The following MEMO1 variants were observed in gnomAD, a reference collection of about 807,000 sequenced individuals.
MEMO1 encodes protein MEMO1.
Under a neutral mutation model 45.2 loss-of-function variants are expected in MEMO1, and 6 were observed. The ratio of observed to expected loss-of-function variants is 0.13; its 90% CI spans 0.07 to 0.26. The LOEUF (loss-of-function observed/expected upper bound fraction) is 0.26, where lower values mean the gene tolerates loss of function less well. MEMO1 is among the 10% of genes least tolerant of loss of function. The probability of loss-of-function intolerance (pLI) is 1.00; values close to 1 mark genes in which losing one functional copy is unlikely to be tolerated. For missense variants in MEMO1, 184 were observed against 370.5 expected (o/e 0.50, Z 4.13); for synonymous variants, 78 against 124.3 (o/e 0.63, Z 2.48).
At chr2:31,907,904 T>G (rs1325178485) in intron 6 of MEMO1, among the ~76,000 whole-genome samples, 2 of 152,210 alleles carry the variant, frequency 1.3e-5, no homozygotes, top group Admixed American at 6.5e-5. Context: ...TTAACTTATT[T>G]ATTTACTCCC....
At chr2:31,868,911 T>C (rs1166570293) in intron 9 of MEMO1, among the ~76,000 whole-genome samples, 1 of 152,216 alleles carries the variant, frequency 6.6e-6, no homozygotes, top group Non-Finnish European at 1.5e-5. Flanking sequence ...AGGTATATGC[T>C]AGGATTTTTA....
intron 2 of MEMO1, among the ~76,000 whole-genome samples, chr2:31,947,228 A>T (rs981308070): frequency 6.6e-6 from 1 of 152,190 alleles, no homozygotes; most frequent in African/African-American, 2.4e-5. Context: ...ACTGCCAACA[A>T]CCTCACTGTT....
chr2:32,008,189 G>A (rs1674340922), intron 2 of MEMO1, among the ~76,000 whole-genome samples: 1 of 152,218 alleles, frequency 6.6e-6, no homozygotes, highest in Non-Finnish European at 1.5e-5. Context: ...CCAAGTGTAA[G>A]CTATGTCATA....
At chr2:31,950,215 T>C (rs1666677699) in intron 2 of MEMO1, among the ~76,000 whole-genome samples, 2 of 151,246 alleles carry the variant, frequency 1.3e-5, no homozygotes, top group Non-Finnish European at 1.5e-5. Flanking sequence ...ACCCTGTCTC[T>C]ACCAAAAATA....
rs935969445 is a variant in MEMO1 at position 31,966,971 on chromosome 2, T to C, written c.62-23588A>G. On this transcript the variant is annotated intron_variant, in intron 2 of 9. Coordinates refer to ENST00000404530, the MANE Select transcript of MEMO1 (RefSeq NM_001301833.4). Reference sequence around the variant, plus strand: ...AATTTAAAAAAGCTTTGTATAAATATAGGATAATACAGGACTTTGTTCTAT... The same window carrying C: ...AATTTAAAAAAGCTTTGTATAAATACAGGATAATACAGGACTTTGTTCTAT... Among the ~76,000 whole-genome samples, 7 of 152,190 alleles carry C rather than the reference T, an allele frequency of 4.6e-5. No homozygotes were observed. In the South Asian group the frequency reaches 1.5e-3, roughly 32 times the overall value.
chr2:31,951,470 A>G (rs567630757), intron 2 of MEMO1, among the ~76,000 whole-genome samples: 3 of 152,052 alleles, frequency 2.0e-5, no homozygotes, highest in Admixed American at 6.6e-5. Flanking sequence ...CACTACAATG[A>G]AAAGTGTTTC....
At position 32,002,196 on chromosome 2, in the gene MEMO1, C is replaced by G. The variant is rs1281385199; in HGVS notation, c.61+7991G>C. On this transcript the variant is annotated intron_variant, in intron 2 of 9. Coordinates refer to ENST00000404530, the MANE Select transcript of MEMO1 (RefSeq NM_001301833.4). ...ATATATATATATATATACACACACA[C>G]ACACACATGTATATACGTATATACG... 3.0e-5 allele frequency among the ~76,000 whole-genome samples: 4 copies of G among 131,368 alleles called. No homozygotes were observed. The East Asian group carries it at 6.2e-4, about 20-fold the overall frequency. The allele number at this position is 131,368 out of a possible 152,430, so 86.2% of individuals were successfully genotyped here.
chr2:31,917,812 T>C, intron 6 of MEMO1, 114 bp downstream of exon 6: 1 of 650,940 alleles, frequency 1.5e-6, no homozygotes, highest in Non-Finnish European at 2.4e-6. Context: ...CTCAATTTTT[T>C]ATCTCACATC....
At chr2:31,988,353 C>G (rs1647862912) in intron 2 of MEMO1, among the ~76,000 whole-genome samples, 4 of 151,906 alleles carry the variant, frequency 2.6e-5, no homozygotes, top group Admixed American at 2.6e-4. Context: ...TTGAGACCAC[C>G]CTCGCCAACA....
intron 2 of MEMO1, among the ~76,000 whole-genome samples, chr2:31,996,122 T>C (rs1465438403): frequency 2.6e-5 from 4 of 151,370 alleles, no homozygotes; most frequent in Admixed American, 6.6e-5. Context: ...CAGCCAGGCA[T>C]GGTGGCTCAT....
At chr2:31,982,587 TCAA>T (rs1670778404) in intron 2 of MEMO1, among the ~76,000 whole-genome samples, 1 of 94,224 alleles carries the variant, frequency 1.1e-5, no homozygotes, top group Non-Finnish European at 2.0e-5. Context: ...AGACTCCGTC[TCAA>T]AAAAAAAAAA....
At chr2:32,004,182 A>G (rs1314928161) in intron 2 of MEMO1, among the ~76,000 whole-genome samples, 1 of 152,186 alleles carries the variant, frequency 6.6e-6, no homozygotes, top group Non-Finnish European at 1.5e-5. Context: ...CCCTGTCTCA[A>G]ATAAATAAAT....
intron 3 of MEMO1, among the ~76,000 whole-genome samples, chr2:31,933,346 A>ATATATATATATATAT (rs869211483): frequency 3.9e-5 from 1 of 25,504 alleles, no homozygotes; most frequent in Non-Finnish European, 6.7e-5. Flanking sequence ...AAAAAAAAAA[A>ATATATATATATATAT]AAATTTATAT....
intron 3 of MEMO1, among the ~76,000 whole-genome samples, chr2:31,933,351 T>TTATATATATATATATATATA (rs370773425): frequency 1.4e-3 from 64 of 45,058 alleles, no homozygotes; most frequent in Admixed American, 3.2e-3. Flanking sequence ...AAAAAAAAAT[T>TTATATATATATATATATATA]TATATATATA....
chr2:31,914,814 C>G (rs139448574), intron 6 of MEMO1, among the ~76,000 whole-genome samples: 93 of 151,690 alleles, frequency 6.1e-4, no homozygotes, highest in African/African-American at 2.1e-3. Context: ...TAAAATTAGC[C>G]AGATATGGTA....
intron 3 of MEMO1, among the ~76,000 whole-genome samples, chr2:31,942,484 A>G (rs1665728183): frequency 6.6e-6 from 1 of 152,098 alleles, no homozygotes; most frequent in Admixed American, 6.5e-5. Context: ...AAATTACTCT[A>G]TCTGAGGAAA....
At chr2:31,869,591 T>G (rs576775639) in intron 9 of MEMO1, among the ~76,000 whole-genome samples, 1 of 152,236 alleles carries the variant, frequency 6.6e-6, no homozygotes, top group African/African-American at 2.4e-5. Flanking sequence ...ATATTGGAAC[T>G]AAGAGTCAAG....
At chr2:31,976,207 A>T (rs1669983564) in intron 2 of MEMO1, among the ~76,000 whole-genome samples, 1 of 152,218 alleles carries the variant, frequency 6.6e-6, no homozygotes, top group Non-Finnish European at 1.5e-5. Flanking sequence ...AAAAACACTA[A>T]CAGCACAAAA....
chr2:31,982,529 G>A (rs1670769106), intron 2 of MEMO1, among the ~76,000 whole-genome samples: 1 of 148,620 alleles, frequency 6.7e-6, no homozygotes, highest in South Asian at 2.1e-4. Context: ...GGCAGAGGTT[G>A]CAGTGAGCAA....
Sources: allele counts gnomAD v4.1 joint callset (sites outside exome capture counted in the v4.1 genomes callset), GRCh38; gene constraint gnomAD v4.1.1; transcripts MANE v1.5; gene names NCBI Gene and HGNC (gene_info 2026-07-23, HGNC 2026-07-21).